The following IFT172 variants were observed in gnomAD, a reference collection of about 807,000 sequenced individuals.
IFT172 encodes intraflagellar transport 172.
In IFT172, 164 loss-of-function variants were observed where a neutral mutation model predicts 248.9. The ratio of observed to expected loss-of-function variants is 0.66; its 90% CI spans 0.58 to 0.75. The LOEUF is 0.75. Ranked by LOEUF, IFT172 falls within the 30% of genes least tolerant of loss-of-function variation. The probability of loss-of-function intolerance (pLI) is 0.00; values close to 1 mark genes in which losing one functional copy is unlikely to be tolerated. For missense variants in IFT172, 1,950 were observed against 2,192.4 expected, an observed-to-expected ratio of 0.89 and a Z score of 2.21; for synonymous variants, 729 against 791.6, an observed-to-expected ratio of 0.92 and a Z score of 1.33.
intron 41 of IFT172, 48 bp downstream of exon 41, chr2:27,447,761 AAAG>A: frequency 6.3e-7 from 1 of 1,598,926 alleles, no homozygotes; most frequent in Non-Finnish European, 8.6e-7. Context: ...TATGTGCATC[AAAG>A]AAGAGATGAG....
chr2:27,476,610 G>T, intron 14 of IFT172, 31 bp downstream of exon 14: 2 of 1,300,822 alleles, frequency 1.5e-6, no homozygotes, highest in Non-Finnish European at 1.1e-6. Context: ...CATCTATTTT[G>T]TTATTAAAAT....
At position 27,459,432 on chromosome 2, in the gene IFT172, T is replaced by G. The variant is rs777283363; in HGVS notation, c.2733A>C (p.Ala911=). The change falls in exon 25 of 48, where the codon GCA becomes GCC. Residue 911 remains alanine, a synonymous_variant. Coordinates refer to ENST00000260570, the MANE Select transcript of IFT172 (RefSeq NM_015662.3). ...GGGCCACGAGAGGATAGTATTTGGA[T>G]GCAGTGTTCCGGTCCTGTAGATCTA... ...YILDLQDRNT[A]SKYYPLVAQH... is the part of the protein sequence containing the mutation. The G allele has an allele frequency of 1.9e-6, 3 of 1,614,226 alleles. No homozygotes were observed. The highest frequency in any genetic ancestry group is 2.5e-6 in the Non-Finnish European group (3 of 1,180,034).
In IFT172 at chr2:27,454,750, G is replaced by T; in HGVS notation, c.3372-90C>A. Reference sequence around the variant, plus strand: ...AAAACAGAGAAAGGACAGAGTTGAGGGGAGAAAAAGTGACAGATTTAAGGA... The same window carrying T: ...AAAACAGAGAAAGGACAGAGTTGAGTGGAGAAAAAGTGACAGATTTAAGGA... On this transcript the variant is annotated intron_variant, in intron 30 of 47. Transcript: ENST00000260570. The surrounding 1 kb of genome is among the most constrained non-coding windows in gnomAD (Gnocchi z 4.2). 1 of 1,077,914 alleles carries T rather than the reference G, an allele frequency of 9.3e-7. No individual in the cohort carries two copies. The highest frequency in any genetic ancestry group is 1.6e-5 in the African/African-American group (1 of 63,088). The allele number at this position is 1,077,914 out of a possible 1,614,324, so 66.8% of individuals were successfully genotyped here. A position where few individuals can be genotyped will look rare whatever the true frequency, so the allele number is the denominator to read the frequency against.
At position 27,445,647 on chromosome 2, in the gene IFT172, G is replaced by T; in HGVS notation, c.4914+98C>A. On this transcript the variant is annotated intron_variant, in intron 45 of 47. Transcript: ENST00000260570. The surrounding 1 kb of genome is among the most constrained non-coding windows in gnomAD (Gnocchi z 4.4). The stretch of plus-strand genomic sequence containing the variant: ...TACTTTCACTGAAAAAACAGTGAGG[G>T]CTGAGGTCCTTCCAAAGATGGCAGC... 1 of 1,455,134 alleles carries T rather than the reference G, an allele frequency of 6.9e-7. No homozygotes were observed. The highest frequency in any genetic ancestry group is 9.5e-7 in the Non-Finnish European group (1 of 1,049,024). The allele number at this position is 1,455,134 out of a possible 1,614,324, so 90.1% of individuals were successfully genotyped here.
chr2:27,467,988 A>G (rs1481879006), intron 16 of IFT172, among the ~76,000 whole-genome samples: 1 of 151,862 alleles, frequency 6.6e-6, no homozygotes, highest in Non-Finnish European at 1.5e-5. Context: ...GTGAAACTCC[A>G]TCTCTACTAA....
At chr2:27,467,633 A>T (rs1667205036) in intron 16 of IFT172, among the ~76,000 whole-genome samples, 1 of 150,044 alleles carries the variant, frequency 6.7e-6, no homozygotes, top group African/African-American at 2.4e-5. Context: ...AAAAAAAAAA[A>T]AAAGGAAATT....
chr2:27,476,265 G>GTTTTGT (rs147264912), intron 14 of IFT172, among the ~76,000 whole-genome samples: 141 of 152,130 alleles, frequency 9.3e-4, no homozygotes, highest in African/African-American at 3.3e-3. Context: ...GGACCTCTGG[G>GTTTTGT]TTTTGTTTTT....
Position 27,471,100 on chromosome 2 carries a change from A to G in IFT172, c.1525-5T>C. ...TTCAATATCATACAGATGCAACTGA[A>G]GAAAGAAAAGGCAGGTAACACAATT... On this transcript the variant is annotated splice_region_variant and splice_polypyrimidine_tract_variant and intron_variant, in intron 15 of 47. Coordinates refer to ENST00000260570, the MANE Select transcript of IFT172 (RefSeq NM_015662.3). 1 of 1,604,146 alleles carries G rather than the reference A, an allele frequency of 6.2e-7. No individual in the cohort carries two copies. The highest frequency in any genetic ancestry group is 8.5e-7 in the Non-Finnish European group (1 of 1,177,692).
At position 27,462,790 on chromosome 2, in the gene IFT172, C is replaced by T. The variant is rs761290683; in HGVS notation, c.2026G>A (p.Gly676Arg). 15 of 1,614,040 alleles carry T rather than the reference C, an allele frequency of 9.3e-6. No individual in the cohort carries two copies. Among genetic ancestry groups the T allele is most frequent in the South Asian group, 1.1e-5 (1 of 91,062 alleles). ...IADQVSREYG[G>R]EGTDFYQVRA... ...ACCTGATAAAAGTCTGTTCCTTCTC[C>T]GCCCTGTGGGGGAAAAAGGAGGTTC... Residue 676 changes from glycine to arginine, a missense_variant, in exon 20 of 48, where the codon GGA becomes AGA. Gly to Arg is a moderately radical substitution (Grantham distance 125). Around this residue, in one of 3 missense-constraint regions of IFT172, gnomAD observed 1,166 missense variants for 1,254.1 expected, o/e 0.93. Transcript: ENST00000260570.
At chr2:27,489,281 G>T (rs1668989791) in intron 1 of IFT172, among the ~76,000 whole-genome samples, 1 of 152,084 alleles carries the variant, frequency 6.6e-6, no homozygotes, top group Non-Finnish European at 1.5e-5. Flanking sequence ...ATTTAATTAT[G>T]GGCACATGCA....
At chr2:27,475,004 A>G (rs1188593489) in intron 14 of IFT172, among the ~76,000 whole-genome samples, 1 of 152,230 alleles carries the variant, frequency 6.6e-6, no homozygotes. Flanking sequence ...CTATACAAGC[A>G]TATGCAAAGA....
intron 40 of IFT172, among the ~76,000 whole-genome samples, chr2:27,448,657 G>A (rs1397318192): frequency 6.6e-6 from 1 of 152,168 alleles, no homozygotes; most frequent in Non-Finnish European, 1.5e-5. Flanking sequence ...AGGTGCCTGT[G>A]TATTTGCTAA....
chr2:27,448,959 C>T lies in IFT172; in HGVS notation c.4384G>A (p.Ala1462Thr). The T allele has an allele frequency of 1.2e-6, 2 of 1,611,172 alleles. No individual in the cohort carries two copies. The highest frequency in any genetic ancestry group is 1.7e-6 in the Non-Finnish European group (2 of 1,177,322). ...CCGTGCTGTACATACAGGGCCAATGCCTGGGCAGAGCTACCCTCCCGGATC... is the reference window on the plus strand; with the variant it reads ...CCGTGCTGTACATACAGGGCCAATGTCTGGGCAGAGCTACCCTCCCGGATC... Reference protein sequence around the residue: ...HLIREGSSAQALALYVQHGAP... With the variant: ...HLIREGSSAQTLALYVQHGAP... The change falls in exon 40 of 48, where the codon GCA (alanine) becomes ACA (threonine). Residue 1462 changes from alanine (A) to threonine (T), a missense_variant. By Grantham distance (58) the Ala-to-Thr change is moderately conservative (BLOSUM62 0). Transcript: ENST00000260570.
intron 37 of IFT172, 48 bp from the exon 38 acceptor site, chr2:27,449,610 C>A (rs746509168): frequency 1.2e-6 from 2 of 1,613,324 alleles, no homozygotes; most frequent in Non-Finnish European, 1.7e-6. Flanking sequence ...AGAATACCAA[C>A]CCTCCCGGTA....
Position 27,463,109 on chromosome 2 carries a change from T to A in IFT172, c.2010A>T (p.Val670=), listed in dbSNP as rs369998345. The A allele has an allele frequency of 6.2e-7, 1 of 1,614,028 alleles. No homozygotes were observed. The highest frequency in any genetic ancestry group is 8.5e-7 in the Non-Finnish European group (1 of 1,179,880). ...LHETNEIADQ[V]SREYGGEGTD... is the part of the protein sequence containing the mutation. Reference sequence around the variant, plus strand: ...GCATAATACTTGCATATTCCCGGGATACTTGATCTGCAATCTCATTGGTCT... The same window carrying A: ...GCATAATACTTGCATATTCCCGGGAAACTTGATCTGCAATCTCATTGGTCT... Residue 670 remains valine (V), a synonymous_variant, in exon 19 of 48, where the codon GTA becomes GTT. Transcript: ENST00000260570.
intron 1 of IFT172, among the ~76,000 whole-genome samples, chr2:27,488,744 T>C (rs981305586): frequency 6.6e-6 from 1 of 152,190 alleles, no homozygotes; most frequent in African/African-American, 2.4e-5. Flanking sequence ...AATGAAGAAG[T>C]TGGTGAGTGC....
chr2:27,464,430 G>A (rs147473429), intron 18 of IFT172, among the ~76,000 whole-genome samples: 2 of 152,134 alleles, frequency 1.3e-5, no homozygotes, highest in East Asian at 1.9e-4. Context: ...TATATAAGTT[G>A]GTAATTGGAA....
intron 20 of IFT172, 87 bp downstream of exon 20, chr2:27,462,614 C>T: frequency 1.7e-6 from 2 of 1,161,952 alleles, no homozygotes; most frequent in African/African-American, 1.5e-5. Flanking sequence ...AGTTCACCAG[C>T]ACGCTTTCCT....
chr2:27,464,695 C>T lies in IFT172; in HGVS notation c.1937+716G>A, dbSNP rs567683066. ...GTGCAGTTGCATGATCTCAGCTCAC[C>T]GCAACTTTGCCTCCCGGGTTCAAGT... On this transcript the variant is annotated intron_variant, in intron 18 of 47. Coordinates refer to ENST00000260570, the MANE Select transcript of IFT172 (RefSeq NM_015662.3). Among the ~76,000 whole-genome samples the T allele has an allele frequency of 2.2e-3, 340 of 151,846 alleles. 2 individuals are homozygous for T. The highest frequency in any genetic ancestry group is 3.6e-3 in the Non-Finnish European group (243 of 67,946).
Sources: allele counts gnomAD v4.1 joint callset (sites outside exome capture counted in the v4.1 genomes callset), GRCh38; gene constraint gnomAD v4.1.1; regional missense constraint gnomAD v4.1.1; non-coding constraint Gnocchi (gnomAD v3.1); transcripts MANE v1.5; gene names NCBI Gene and HGNC (gene_info 2026-07-23, HGNC 2026-07-21).